The following MYO16 variants were observed in gnomAD, a reference collection of about 807,000 sequenced individuals.
MYO16 encodes myosin XVI, also known as unconventional myosin-XVI.
MYO16 carries 94 observed loss-of-function variants against 205.3 expected under a neutral mutation model. The ratio of observed to expected loss-of-function variants is 0.46; its 90% CI spans 0.39 to 0.54. The LOEUF (loss-of-function observed/expected upper bound fraction) is 0.54. Ranked by LOEUF, MYO16 falls within the 20% of genes least tolerant of loss-of-function variation. The pLI is 0.00. For synonymous variants in MYO16, 988 were observed against 954.0 expected (o/e 1.04, Z -0.66); for missense variants, 2,315 against 2,387.5 (o/e 0.97, Z 0.63).
intron 12 of MYO16, among the ~76,000 whole-genome samples, chr13:108,880,519 C>T (rs1879559725): frequency 6.6e-6 from 1 of 152,060 alleles, no homozygotes; most frequent in Non-Finnish European, 1.5e-5. Flanking sequence ...GTCTTTAATC[C>T]ATCTGGAATT....
chr13:108,589,694 C>T, the MYO16 span, among the ~76,000 whole-genome samples: 1 of 152,070 alleles, frequency 6.6e-6, no homozygotes, highest in East Asian at 1.9e-4. Flanking sequence ...CTCCCTCTCG[C>T]TGTCTGTCTG....
chr13:109,127,589 T>C lies in MYO16; in HGVS notation c.4051+39T>C. 1 of 1,591,656 alleles carries C rather than the reference T, an allele frequency of 6.3e-7. No homozygotes were observed. Among genetic ancestry groups the C allele is most frequent in the Non-Finnish European group, 8.5e-7 (1 of 1,173,302 alleles). Reference sequence around the variant, plus strand: ...AGGGACCCAGCCTCGTGTTCCGGGCTCGCGCATGCTCTGACTTCGCCTTGG... The same window carrying C: ...AGGGACCCAGCCTCGTGTTCCGGGCCCGCGCATGCTCTGACTTCGCCTTGG... On this transcript the variant is annotated intron_variant, in intron 31 of 34. Transcript: ENST00000457511. The surrounding 1 kb of genome is among the most constrained non-coding windows in gnomAD (Gnocchi z 4.2).
At chr13:108,677,336 T>TATATATATATATATATATGC (rs1174294351) in intron 2 of MYO16, among the ~76,000 whole-genome samples, 1 of 86,652 alleles carries the variant, frequency 1.2e-5, no homozygotes, top group Non-Finnish European at 2.4e-5. Context: ...TGTGTGTGTG[T>TATATATATATATATATATGC]ATATATATAT....
At chr13:108,657,016 G>C (rs1881275107) in intron 1 of MYO16, among the ~76,000 whole-genome samples, 1 of 152,178 alleles carries the variant, frequency 6.6e-6, no homozygotes, top group Admixed American at 6.5e-5. Context: ...ACCTAAGAAG[G>C]CACATACGCC....
chr13:108,691,076 T>C (rs1405599791), intron 2 of MYO16, among the ~76,000 whole-genome samples: 1 of 152,244 alleles, frequency 6.6e-6, no homozygotes, highest in Non-Finnish European at 1.5e-5. Context: ...ATTATTGATA[T>C]GGGCTTTTCA....
At chr13:108,618,009 A>C (rs111420094) in intron 1 of MYO16, among the ~76,000 whole-genome samples, 4,428 of 152,212 alleles carry the variant, frequency 0.029, 203 homozygotes, top group African/African-American at 0.1. Context: ...CAATCCTGCC[A>C]GTCTTCAAGC....
chr13:109,046,455 A>T (rs906259929), intron 23 of MYO16, among the ~76,000 whole-genome samples: 5 of 152,142 alleles, frequency 3.3e-5, no homozygotes, highest in African/African-American at 4.8e-5. Context: ...ATTGTTTCCT[A>T]TGTGTTCTTA....
chr13:108,723,775 C>A (rs1884245439), intron 3 of MYO16, among the ~76,000 whole-genome samples: 1 of 152,084 alleles, frequency 6.6e-6, no homozygotes, highest in Non-Finnish European at 1.5e-5. Flanking sequence ...TTGGGTTCCA[C>A]CACCCTAAAG....
chr13:108,852,521 T>TA (rs1193840752), intron 10 of MYO16, among the ~76,000 whole-genome samples: 1 of 152,350 alleles, frequency 6.6e-6, no homozygotes, highest in Non-Finnish European at 1.5e-5. Flanking sequence ...GCCAAAATTT[T>TA]AAAAAAATGT....
chr13:109,068,703 T>C (rs2139644311), intron 27 of MYO16, among the ~76,000 whole-genome samples: 1 of 152,098 alleles, frequency 6.6e-6, no homozygotes, highest in South Asian at 2.1e-4. Flanking sequence ...GCTATTCTCC[T>C]GCCTCAGCCT....
chr13:108,523,520 A>G, the MYO16 span, among the ~76,000 whole-genome samples: 1 of 152,150 alleles, frequency 6.6e-6, no homozygotes, highest in South Asian at 2.1e-4. Context: ...TCTGCAGACC[A>G]CAAACCTTCA....
chr13:108,599,890 A>G (rs906099925), intron 1 of MYO16, among the ~76,000 whole-genome samples: 5 of 152,164 alleles, frequency 3.3e-5, no homozygotes, highest in Admixed American at 1.3e-4. Flanking sequence ...AAACAACAGA[A>G]AATCCATTCA....
At chr13:108,872,245 T>A (rs962894718) in intron 12 of MYO16, among the ~76,000 whole-genome samples, 1 of 152,214 alleles carries the variant, frequency 6.6e-6, no homozygotes. Context: ...AATAATTGAA[T>A]GAAACGTTAA....
intron 1 of MYO16, chr13:108,659,258 A>T (rs1881388072): frequency 6.2e-6 from 1 of 160,174 alleles, no homozygotes; most frequent in Non-Finnish European, 1.2e-5. Flanking sequence ...TATATATGAT[A>T]TATATATATC....
intron 28 of MYO16, chr13:109,101,533 A>C (rs1389953516): frequency 1.3e-5 from 2 of 152,260 alleles, no homozygotes; most frequent in Non-Finnish European, 2.9e-5. Context: ...AATTACAGGC[A>C]AATGTTTACC....
intron 23 of MYO16, among the ~76,000 whole-genome samples, chr13:109,031,249 AC>A (rs1366393939): frequency 6.6e-6 from 1 of 151,646 alleles, no homozygotes; most frequent in African/African-American, 2.4e-5. Context: ...CCACCACCAC[AC>A]CCGGCTGATT....
intron 3 of MYO16, among the ~76,000 whole-genome samples, chr13:108,724,646 G>A (rs1314664900): frequency 6.6e-6 from 1 of 151,930 alleles, no homozygotes; most frequent in Non-Finnish European, 1.5e-5. Flanking sequence ...TATTACGCAC[G>A]GTGCATGTTA....
chr13:108,884,153 C>T (rs768067072), intron 13 of MYO16, among the ~76,000 whole-genome samples: 9 of 151,990 alleles, frequency 5.9e-5, no homozygotes, highest in Non-Finnish European at 7.4e-5. Flanking sequence ...GCACACAACT[C>T]GAGTCAAAGT....
At chr13:108,755,275 G>A (rs1885385653) in intron 4 of MYO16, among the ~76,000 whole-genome samples, 1 of 152,062 alleles carries the variant, frequency 6.6e-6, no homozygotes, top group Non-Finnish European at 1.5e-5. Context: ...TTTACAAGCT[G>A]AGCCCAGGGG....
Sources: allele counts gnomAD v4.1 joint callset (sites outside exome capture counted in the v4.1 genomes callset), GRCh38; gene constraint gnomAD v4.1.1; non-coding constraint Gnocchi (gnomAD v3.1); transcripts MANE v1.5; gene names NCBI Gene and HGNC (gene_info 2026-07-23, HGNC 2026-07-21).